The following FLG2 variants were observed in gnomAD, a reference collection of about 807,000 sequenced individuals.
The protein encoded by FLG2 is filaggrin-2.
FLG2 carries 7 observed loss-of-function variants against 3.9 expected under a neutral mutation model. That is an observed-to-expected ratio of 1.79 (90% CI 1.02 to 3.36). FLG2 has a LOEUF of 3.36. Ranked by LOEUF, FLG2 falls within the 30% of genes most tolerant of loss-of-function variation. The pLI is 0.00. For synonymous variants in FLG2, 1,031 were observed against 1,056.1 expected (o/e 0.98, Z 0.46); for missense variants, 2,700 against 2,809.4 (o/e 0.96, Z 0.88).
Position 152,357,271 on chromosome 1 carries a change from C to T in FLG2, c.515G>A (p.Gly172Glu), listed in dbSNP as rs1654278774. 3 of 1,614,132 alleles carry T rather than the reference C, an allele frequency of 1.9e-6. No homozygotes were observed. Among genetic ancestry groups the T allele is most frequent in the Non-Finnish European group, 2.5e-6 (3 of 1,180,012 alleles). ...TCTTTTCTGAGATCCCTCTTGGTTC[C>T]CAGAGCTGGATAAATTACCTTGTCT... ...LGRQGNLSSSGNQEGSQKRYH... is the reference protein window; with the variant it reads ...LGRQGNLSSSENQEGSQKRYH... Residue 172 changes from glycine to glutamate, a missense_variant, in exon 3 of 3, where the codon GGG becomes GAG. Gly to Glu is a moderately conservative substitution (Grantham distance 98). Transcript: ENST00000388718.
chr1:152,357,674 G>A (rs746674798), intron 2 of FLG2, 27 bp from the exon 3 acceptor site: 2 of 1,546,334 alleles, frequency 1.3e-6, no homozygotes, highest in Non-Finnish European at 1.8e-6. Flanking sequence ...CACCAAGGGA[G>A]ACCTGGTCAG....
Position 152,352,855 on chromosome 1 carries a change from C to G in FLG2, c.4931G>C (p.Arg1644Thr). Residue 1644 changes from arginine (R) to threonine (T), a missense_variant, in exon 3 of 3, where the codon AGG (arginine) becomes ACG (threonine). Arg to Thr is a moderately conservative substitution (Grantham distance 71). Transcript: ENST00000388718. ...GHGQSTQRGS[R>T]TTGRQRSSHS... ...GCTAGATCTCTGTCTTCCAGTTGTC[C>G]TGGACCCTCTCTGTGTGGACTGTCC... 1 of 1,613,604 alleles carries G rather than the reference C, an allele frequency of 6.2e-7. No individual in the cohort carries two copies. Among genetic ancestry groups the G allele is most frequent in the Non-Finnish European group, 8.5e-7 (1 of 1,179,892 alleles).
In FLG2 at chr1:152,352,891, T is replaced by C. The variant is rs1225451754; in HGVS notation, c.4895A>G (p.His1632Arg). ...CTGTGTGGACTGTCCATGACCAGAG[T>C]GGGAATGTCCAGTGGTATCTCCTAT... ...GQIGDTTGHS[H>R]SGHGQSTQRG... is the part of the protein sequence containing the mutation. Residue 1632 changes from histidine to arginine, a missense_variant, in exon 3 of 3, where the codon CAC becomes CGC. By Grantham distance (29) the His-to-Arg change is conservative. Coordinates refer to ENST00000388718, the MANE Select transcript of FLG2 (RefSeq NM_001014342.3). 6.2e-7 allele frequency: 1 copy of C among 1,613,034 alleles called. No homozygotes were observed. Among genetic ancestry groups the C allele is most frequent in the East Asian group, 2.2e-5 (1 of 44,802 alleles).
chr1:152,351,340 C>G lies in FLG2; in HGVS notation c.6446G>C (p.Gly2149Ala). ...AIHGRQGTIH[G>A]QTGDTTRHGQ... ...ATGTCTAGTGGTATCTCCTGTCTGT[C>G]CATGTATAGTTCCCTGTCTCCCGTG... Residue 2149 changes from glycine (G) to alanine (A), a missense_variant, in exon 3 of 3, where the codon GGA (glycine) becomes GCA (alanine). Coordinates refer to ENST00000388718, the MANE Select transcript of FLG2 (RefSeq NM_001014342.3). 2 of 1,613,832 alleles carry G rather than the reference C, an allele frequency of 1.2e-6. No homozygotes were observed. The highest frequency in any genetic ancestry group is 1.6e-4 in the Middle Eastern group (1 of 6,062).
rs1336631503 is a variant in FLG2 at position 152,354,096 on chromosome 1, G to C, written c.3690C>G (p.Ser1230=). The C allele has an allele frequency of 6.2e-7, 1 of 1,614,242 alleles. No homozygotes were observed. The highest frequency in any genetic ancestry group is 1.7e-5 in the Admixed American group (1 of 60,032). Residue 1230 remains serine (S), a synonymous_variant, in exon 3 of 3, where the codon TCC becomes TCG. Transcript: ENST00000388718. The stretch of plus-strand genomic sequence containing the variant: ...TAGTTTCCTGTCTCCCATGAACTGT[G>C]GATCCTGACTCTACTTGTTGAGATT... ...QGESQQVESG[S]TVHGRQETTH...
chr1:152,355,627 C>T lies in FLG2; in HGVS notation c.2159G>A (p.Gly720Glu), dbSNP rs1557899100. Reference sequence around the variant, plus strand: ...CTGACCTGAGCTTAACTCGTGTTGTCCAAATCCAGATGTCTGTCCTGAACT... The same window carrying T: ...CTGACCTGAGCTTAACTCGTGTTGTTCAAATCCAGATGTCTGTCCTGAACT... Reference protein sequence around the residue: ...GSSSGQTSGFGQHELSSGQSS... With the variant: ...GSSSGQTSGFEQHELSSGQSS... The change falls in exon 3 of 3, where the codon GGA (glycine) becomes GAA (glutamate). Residue 720 changes from glycine to glutamate, a missense_variant. Gly to Glu is a moderately conservative substitution (Grantham distance 98). Transcript: ENST00000388718. 1 of 1,613,058 alleles carries T rather than the reference C, an allele frequency of 6.2e-7. No individual in the cohort carries two copies. Among genetic ancestry groups the T allele is most frequent in the South Asian group, 1.1e-5 (1 of 91,024 alleles).
rs1256146120 is a variant in FLG2 at position 152,353,924 on chromosome 1, G to T, written c.3862C>A (p.His1288Asn). Residue 1288 changes from histidine (H) to asparagine (N), a missense_variant, in exon 3 of 3, where the codon CAT becomes AAT. Transcript: ENST00000388718. The stretch of plus-strand genomic sequence containing the variant: ...GCTTGTGTGTGAATGTGTTCTGAAT[G>T]TCTGTGTGAGACCTTTGAGTGCACT... ...SEVHSKVSHR[H>N]SEHIHTQAGS... 1 of 1,614,084 alleles carries T rather than the reference G, an allele frequency of 6.2e-7. No homozygotes were observed. Among genetic ancestry groups the T allele is most frequent in the Non-Finnish European group, 8.5e-7 (1 of 1,179,976 alleles).
At position 152,354,484 on chromosome 1, in the gene FLG2, C is replaced by T. The variant is rs1654113131; in HGVS notation, c.3302G>A (p.Gly1101Glu). 6.2e-7 allele frequency: 1 copy of T among 1,614,040 alleles called. No homozygotes were observed. Among genetic ancestry groups the T allele is most frequent in the Non-Finnish European group, 8.5e-7 (1 of 1,180,000 alleles). ...TGAGCCTGGCCTGTGTTGTCCAAAT[C>T]CAGATGTCTGTCCTGAATTTGACCC... is the stretch of plus-strand genomic sequence containing the variant. ...QHGSNSGQTS[G>E]FGQHRPGSGQ... The change falls in exon 3 of 3, where the codon GGA becomes GAA. Residue 1101 changes from glycine (G) to glutamate (E), a missense_variant. Gly to Glu is a moderately conservative substitution (Grantham distance 98, BLOSUM62 -2). Coordinates refer to ENST00000388718, the MANE Select transcript of FLG2 (RefSeq NM_001014342.3).
At position 152,352,691 on chromosome 1, in the gene FLG2, T is replaced by C. The variant is rs756857022; in HGVS notation, c.5095A>G (p.Thr1699Ala). Residue 1699 changes from threonine (T) to alanine (A), a missense_variant, in exon 3 of 3, where the codon ACA (threonine) becomes GCA (alanine). Transcript: ENST00000388718. ...PERHGTTHGQ[T>A]GDTTRHAHYH... is the part of the protein sequence containing the mutation. The stretch of plus-strand genomic sequence containing the variant: ...TGGGCATGTCTAGTGGTATCTCCTG[T>C]CTGTCCATGAGTAGTTCCATGTCTC... The C allele has an allele frequency of 6.2e-7, 1 of 1,614,030 alleles. No homozygotes were observed. Among genetic ancestry groups the C allele is most frequent in the South Asian group, 1.1e-5 (1 of 91,076 alleles).
rs1654111699 is a variant in FLG2 at position 152,354,452 on chromosome 1, A to G, written c.3334T>C (p.Ser1112Pro). 1 of 1,614,036 alleles carries G rather than the reference A, an allele frequency of 6.2e-7. No homozygotes were observed. The highest frequency in any genetic ancestry group is 1.7e-5 in the Admixed American group (1 of 59,998). ...FGQHRPGSGQ[S>P]SGFGQYGSGS... ...GATCCATATTGGCCAAAGCCAGAGG[A>G]CTGACCTGAGCCTGGCCTGTGTTGT... is the stretch of plus-strand genomic sequence containing the variant. The change falls in exon 3 of 3, where the codon TCC (serine) becomes CCC (proline). Residue 1112 changes from serine to proline, a missense_variant. Physicochemically the swap from Ser to Pro is moderately conservative, Grantham distance 74. Coordinates refer to ENST00000388718, the MANE Select transcript of FLG2 (RefSeq NM_001014342.3).
Position 152,357,582 on chromosome 1 carries a change from T to C in FLG2, c.204A>G (p.Arg68=), listed in dbSNP as rs1395830617. The C allele has an allele frequency of 6.2e-7, 1 of 1,614,078 alleles. No individual in the cohort carries two copies. Among genetic ancestry groups the C allele is most frequent in the Non-Finnish European group, 8.5e-7 (1 of 1,180,022 alleles). The change falls in exon 3 of 3, where the codon AGA becomes AGG. Residue 68 remains arginine (R), a synonymous_variant. Coordinates refer to ENST00000388718, the MANE Select transcript of FLG2 (RefSeq NM_001014342.3). ...MHMLDRDHDR[R]LDFTEFLLMI... ...TCAAAAGAAACTCAGTAAAGTCCAA[T>C]CTTCTGTCATGATCTCGATCCAGCA...
At position 152,354,003 on chromosome 1, in the gene FLG2, C is replaced by T. The variant is rs1654086129; in HGVS notation, c.3783G>A (p.Gly1261=). Residue 1261 remains glycine, a synonymous_variant, in exon 3 of 3, where the codon GGG becomes GGA. Coordinates refer to ENST00000388718, the MANE Select transcript of FLG2 (RefSeq NM_001014342.3). ...QSGQGQSTQT[G]SRVTRRRRSS... ...ATCTTCGTCTTCTAGTTACCCTGGA[C>T]CCTGTCTGTGTGGATTGTCCTTGAC... 11 of 1,614,170 alleles carry T rather than the reference C, an allele frequency of 6.8e-6. No homozygotes were observed. Among genetic ancestry groups the T allele is most frequent in the Non-Finnish European group, 9.3e-6 (11 of 1,180,028 alleles).
chr1:152,353,910 A>G lies in FLG2; in HGVS notation c.3876T>C (p.Ile1292=), dbSNP rs954319358. The G allele has an allele frequency of 2.5e-6, 4 of 1,612,508 alleles. No individual in the cohort carries two copies. Among genetic ancestry groups the G allele is most frequent in the Non-Finnish European group, 3.4e-6 (4 of 1,179,528 alleles). Residue 1292 remains isoleucine, a synonymous_variant, in exon 3 of 3, where the codon ATT becomes ATC. Coordinates refer to ENST00000388718, the MANE Select transcript of FLG2 (RefSeq NM_001014342.3). ...SKVSHRHSEH[I]HTQAGSHYPK... ...GGTAGTGAGATCCAGCTTGTGTGTG[A>G]ATGTGTTCTGAATGTCTGTGTGAGA...
In FLG2 at chr1:152,357,208, C is replaced by T. The variant is rs1391402035; in HGVS notation, c.578G>A (p.Gly193Asp). ...RSSCGHSWSG[G>D]KDRHGSSSVE... Reference sequence around the variant, plus strand: ...AGAGCTGGAACCATGTCTGTCTTTGCCACCACTCCATGAATGACCACAGCT... The same window carrying T: ...AGAGCTGGAACCATGTCTGTCTTTGTCACCACTCCATGAATGACCACAGCT... Residue 193 changes from glycine (G) to aspartate (D), a missense_variant, in exon 3 of 3, where the codon GGC (glycine) becomes GAC (aspartate). By Grantham distance (94) the Gly-to-Asp change is moderately conservative. Coordinates refer to ENST00000388718, the MANE Select transcript of FLG2 (RefSeq NM_001014342.3). 3 of 1,614,172 alleles carry T rather than the reference C, an allele frequency of 1.9e-6. No homozygotes were observed. The highest frequency in any genetic ancestry group is 3.3e-5 in the Admixed American group (2 of 60,030).
At position 152,356,592 on chromosome 1, in the gene FLG2, A is replaced by T. The variant is rs771483789; in HGVS notation, c.1194T>A (p.Tyr398Ter). The change falls in exon 3 of 3, where the codon TAT becomes TAA. Residue 398 changes from tyrosine (Y) to a stop codon, truncating the protein, a stop_gained. Coordinates refer to ENST00000388718, the MANE Select transcript of FLG2 (RefSeq NM_001014342.3). LOFTEE classifies it low-confidence loss of function (END_TRUNC). ...AGTTTGAAAAGCGGCCACAGGAACC[A>T]TATTCATGTTGACCATTACTACAAG... The part of the protein sequence containing the change: ...SQSCSNGQHE[Y>*]GSCGRFSNSS... 1.5e-5 allele frequency: 25 copies of T among 1,614,060 alleles called. No individual in the cohort carries two copies. The highest frequency in any genetic ancestry group is 2.0e-5 in the Non-Finnish European group (24 of 1,180,042).
chr1:152,355,200 C>A lies in FLG2; in HGVS notation c.2586G>T (p.Gly862=). Residue 862 remains glycine (G), a synonymous_variant, in exon 3 of 3, where the codon GGG becomes GGT. Transcript: ENST00000388718. ...AGCCAGATGTCTGTCCCGAACTTGACCCATGTTGACCATAGCCAGATGATT... is the reference window on the plus strand; with the variant it reads ...AGCCAGATGTCTGTCCCGAACTTGAACCATGTTGACCATAGCCAGATGATT... The part of the protein sequence containing the change: ...SSQSSGYGQH[G]SSSGQTSGFG... 1.2e-6 allele frequency: 2 copies of A among 1,606,856 alleles called. No homozygotes were observed. Among genetic ancestry groups the A allele is most frequent in the Non-Finnish European group, 1.7e-6 (2 of 1,178,234 alleles).
rs1459258085 is a variant in FLG2 at position 152,357,624 on chromosome 1, C to T, written c.162G>A (p.Val54=). The change falls in exon 3 of 3, where the codon GTG becomes GTA. Residue 54 remains valine, a synonymous_variant. Coordinates refer to ENST00000388718, the MANE Select transcript of FLG2 (RefSeq NM_001014342.3). The part of the protein sequence containing the change: ...VLKNPDDPDT[V]DVIMHMLDRD... ...GATCCAGCATATGCATGATGACATC[C>T]ACTGTGTCTGGATCATCTGGGTTCT... 2 of 1,613,200 alleles carry T rather than the reference C, an allele frequency of 1.2e-6. No individual in the cohort carries two copies. Among genetic ancestry groups the T allele is most frequent in the South Asian group, 1.1e-5 (1 of 90,886 alleles).
Position 152,356,531 on chromosome 1 carries a change from A to T in FLG2, c.1255T>A (p.Tyr419Asn). 1 of 1,614,232 alleles carries T rather than the reference A, an allele frequency of 6.2e-7. No individual in the cohort carries two copies. Among genetic ancestry groups the T allele is most frequent in the Non-Finnish European group, 8.5e-7 (1 of 1,180,034 alleles). The change falls in exon 3 of 3, where the codon TAT becomes AAT. Residue 419 changes from tyrosine to asparagine, a missense_variant. By Grantham distance (143) the Tyr-to-Asn change is moderately radical (BLOSUM62 -2). Transcript: ENST00000388718. Reference protein sequence around the residue: ...SSNEFSKCDQYGSGSSQSTSF... With the variant: ...SSNEFSKCDQNGSGSSQSTSF... ...GTAGACTGACTTGAACCAGACCCAT[A>T]TTGATCACATTTGGAAAATTCATTT...
In FLG2 at chr1:152,358,737, T is replaced by C; in HGVS notation, c.138+10A>G. 1 of 1,611,044 alleles carries C rather than the reference T, an allele frequency of 6.2e-7. No homozygotes were observed. Among genetic ancestry groups the C allele is most frequent in the South Asian group, 1.1e-5 (1 of 90,336 alleles). On this transcript the variant is annotated intron_variant, in intron 2 of 2. Coordinates refer to ENST00000388718, the MANE Select transcript of FLG2 (RefSeq NM_001014342.3). ...TCCAGCAGCCTTCAGTTCTGGCACA[T>C]GGCTCTCACCTTCAGAACTGGATGA...
Sources: gnomAD v4.1 joint callset for allele counts on GRCh38, gnomAD v4.1.1 for gene constraint, MANE v1.5 for transcripts, NCBI Gene and HGNC (gene_info 2026-07-23, HGNC 2026-07-21) for gene names.